CRYBG3: variants seen among roughly 807,000 people sequenced by gnomAD.
CRYBG3 encodes the protein very large A-kinase anchor protein.
In CRYBG3, 127 loss-of-function variants were observed where a neutral mutation model predicts 244.2. The ratio of observed to expected loss-of-function variants is 0.52; its 90% CI spans 0.45 to 0.60. CRYBG3 has a LOEUF of 0.60. Ranked by LOEUF, CRYBG3 falls within the 20% of genes least tolerant of loss-of-function variation. The pLI, the probability that CRYBG3 is intolerant of heterozygous loss-of-function variation, is 0.00. For synonymous variants in CRYBG3, 1,132 were observed against 1,195.8 expected, an observed-to-expected ratio of 0.95 and a Z score of 1.10; for missense variants, 3,325 against 3,442.5, an observed-to-expected ratio of 0.97 and a Z score of 0.85.
intron 2 of CRYBG3, among the ~76,000 whole-genome samples, chr3:97,860,801 T>C (rs1239735561): frequency 6.6e-6 from 1 of 152,152 alleles, no homozygotes; most frequent in Admixed American, 6.6e-5. Context: ...TTTTCATTGT[T>C]TTTGACTTGT....
At chr3:97,852,245 T>C (rs1214955436) in intron 2 of CRYBG3, among the ~76,000 whole-genome samples, 1 of 152,056 alleles carries the variant, frequency 6.6e-6, no homozygotes, top group African/African-American at 2.4e-5. Flanking sequence ...AAGAAGTGAA[T>C]GTGAAAGAGA....
At chr3:97,865,445 G>T (rs2039215880) in intron 3 of CRYBG3, among the ~76,000 whole-genome samples, 2 of 152,084 alleles carry the variant, frequency 1.3e-5, no homozygotes, top group Admixed American at 6.6e-5. Flanking sequence ...ATAGTTTCCA[G>T]GTGTCTTCAT....
intron 1 of CRYBG3, among the ~76,000 whole-genome samples, chr3:97,831,035 A>G (rs2038647608): frequency 6.6e-6 from 1 of 152,196 alleles, no homozygotes; most frequent in Non-Finnish European, 1.5e-5. Flanking sequence ...CAAGAGGCAG[A>G]TTAATAGGAG....
chr3:97,933,454 T>C lies in CRYBG3; in HGVS notation c.8242-240T>C, dbSNP rs1328899959. On this transcript the variant is annotated intron_variant, in intron 17 of 21. Transcript: ENST00000389622. ...CATGGGTCTCTTTATTATGGCTGTT[T>C]TTATTATGAGATTGATTGCTTTTCT... is the stretch of plus-strand genomic sequence containing the variant. The C allele has an allele frequency of 2.7e-5, 15 of 561,346 alleles. No homozygotes were observed. In the Admixed American group the frequency reaches 3.7e-4, roughly 14 times the overall value. The allele number at this position is 561,346 out of a possible 1,614,324, so 34.8% of individuals were successfully genotyped here. A position where few individuals can be genotyped will look rare whatever the true frequency, so the allele number is the denominator to read the frequency against.
At chr3:97,847,063 T>C (rs1286914306) in intron 2 of CRYBG3, among the ~76,000 whole-genome samples, 1 of 152,140 alleles carries the variant, frequency 6.6e-6, no homozygotes, top group Non-Finnish European at 1.5e-5. Flanking sequence ...AGGGGAAAGC[T>C]GCCACACACT....
chr3:97,935,731 C>T (rs1208620131), intron 18 of CRYBG3, among the ~76,000 whole-genome samples: 1 of 152,068 alleles, frequency 6.6e-6, no homozygotes, highest in Non-Finnish European at 1.5e-5. Flanking sequence ...CCCTCTGTAG[C>T]TTGTGTCCTA....
At chr3:97,897,861 G>A (rs1327732128) in intron 12 of CRYBG3, among the ~76,000 whole-genome samples, 2 of 152,102 alleles carry the variant, frequency 1.3e-5, no homozygotes, top group African/African-American at 4.8e-5. Flanking sequence ...TAAAATAGAT[G>A]TTTAATCTTG....
At chr3:97,916,720 C>T (rs980381621) in intron 17 of CRYBG3, among the ~76,000 whole-genome samples, 1 of 152,086 alleles carries the variant, frequency 6.6e-6, no homozygotes, top group Non-Finnish European at 1.5e-5. Context: ...TCCTATTTCA[C>T]AAGGCATTCC....
chr3:97,927,031 A>G (rs1398021458), intron 17 of CRYBG3, among the ~76,000 whole-genome samples: 4 of 151,996 alleles, frequency 2.6e-5, no homozygotes, highest in African/African-American at 4.8e-5. Context: ...CTACCGAAGT[A>G]CCAACATTTT....
chr3:97,908,693 C>G (rs1319020115), intron 15 of CRYBG3, among the ~76,000 whole-genome samples: 3 of 152,158 alleles, frequency 2.0e-5, no homozygotes, highest in Non-Finnish European at 2.9e-5. Context: ...GGTCTTGACT[C>G]TTTATCCAAT....
At chr3:97,896,665 G>A (rs1445334587) in intron 12 of CRYBG3, among the ~76,000 whole-genome samples, 1 of 152,200 alleles carries the variant, frequency 6.6e-6, no homozygotes, top group Non-Finnish European at 1.5e-5. Flanking sequence ...TCAGCTGGGG[G>A]TGATTTTACC....
chr3:97,915,637 GT>G lies in CRYBG3; in HGVS notation c.8145del (p.Phe2715LeufsTer7). The G allele has an allele frequency of 6.2e-7, 1 of 1,611,678 alleles. No homozygotes were observed. Among genetic ancestry groups the G allele is most frequent in the East Asian group, 2.2e-5 (1 of 44,848 alleles). On this transcript the variant is annotated frameshift_variant, in exon 17 of 22. Coordinates refer to ENST00000389622, the MANE Select transcript of CRYBG3 (RefSeq NM_153605.4). LOFTEE classifies it high-confidence loss of function. ...GGCTCCTCTATTACCAAGAAGACATGTTTGTTAATCACTGTGTGTTAGAAGA... is the reference window on the plus strand; with the variant it reads ...GGCTCCTCTATTACCAAGAAGACATGTTGTTAATCACTGTGTGTTAGAAGA... ...CWLLYYQEDM[F>X]VNHCVLEEGL...
At chr3:97,930,335 G>A (rs1227202559) in intron 17 of CRYBG3, among the ~76,000 whole-genome samples, 1 of 152,022 alleles carries the variant, frequency 6.6e-6, no homozygotes, top group Non-Finnish European at 1.5e-5. Flanking sequence ...AAAATCTTGA[G>A]AGTGAAGATG....
At chr3:97,899,387 C>A in intron 14 of CRYBG3, 124 bp downstream of exon 14, 2 of 985,912 alleles carry the variant, frequency 2.0e-6, no homozygotes, top group Non-Finnish European at 1.5e-6. Context: ...AAAGAAAATG[C>A]AATATCACTT....
At chr3:97,882,687 A>G (rs143221515) in intron 7 of CRYBG3, among the ~76,000 whole-genome samples, 1 of 152,350 alleles carries the variant, frequency 6.6e-6, no homozygotes, top group Non-Finnish European at 1.5e-5. Flanking sequence ...TTTCATTTAT[A>G]TACATAAAAA....
chr3:97,875,354 C>A lies in CRYBG3; in HGVS notation c.4160C>A (p.Ala1387Asp). 7.0e-7 allele frequency: 1 copy of A among 1,426,582 alleles called. No individual in the cohort carries two copies. Among genetic ancestry groups the A allele is most frequent in the Non-Finnish European group, 9.1e-7 (1 of 1,098,870 alleles). The allele number at this position is 1,426,582 out of a possible 1,614,324, so 88.4% of individuals were successfully genotyped here. A position where few individuals can be genotyped will look rare whatever the true frequency, so the allele number is the denominator to read the frequency against. Residue 1387 changes from alanine (A) to aspartate (D), a missense_variant, in exon 4 of 22, where the codon GCT becomes GAT. Physicochemically the swap from Ala to Asp is moderately radical, Grantham distance 126. This residue lies in a region of CRYBG3 where 635 missense variants were observed against 771.7 expected (regional missense o/e 0.82). Coordinates refer to ENST00000389622, the MANE Select transcript of CRYBG3 (RefSeq NM_153605.4). ...LNEFFSLSNL[A>D]SGTESIKGGE... ...GAATTCTTCTCCCTAAGTAACTTAG[C>A]TAGTGGCACAGAGTCAATTAAGGGA...
At position 97,822,235 on chromosome 3, in the gene CRYBG3, C is replaced by G. The variant is rs1273198500; in HGVS notation, c.29C>G (p.Ala10Gly). The change falls in exon 1 of 22, where the codon GCC (alanine) becomes GGC (glycine). Residue 10 changes from alanine to glycine, a missense_variant. By Grantham distance (60) the Ala-to-Gly change is moderately conservative. Transcript: ENST00000389622. MSSGRRRGS[A>G]PWHSFSRFFA... ...TCCAGCGGCCGCAGAAGGGGCAGCGCCCCCTGGCACAGCTTCTCCCGGTTC... is the reference window on the plus strand; with the variant it reads ...TCCAGCGGCCGCAGAAGGGGCAGCGGCCCCTGGCACAGCTTCTCCCGGTTC... The G allele has an allele frequency of 7.9e-6, 12 of 1,528,206 alleles. No individual in the cohort carries two copies. The South Asian group carries it at 1.3e-4, about 17-fold the overall frequency. The allele number at this position is 1,528,206 out of a possible 1,614,324, so 94.7% of individuals were successfully genotyped here.
intron 3 of CRYBG3, among the ~76,000 whole-genome samples, chr3:97,870,465 A>G (rs920176150): frequency 6.6e-5 from 10 of 152,054 alleles, no homozygotes; most frequent in African/African-American, 2.4e-4. Context: ...AAAGGACACG[A>G]TTTTCTTCTT....
rs774117006 is a variant in CRYBG3, at chr3:97,877,783, T to C, written c.6589T>C (p.Tyr2197His). Reference protein sequence around the residue: ...QESVGISKNSYVMPNEPTTSN... With the variant: ...QESVGISKNSHVMPNEPTTSN... ...GAGCGTTGGAATTTCTAAGAATTCA[T>C]ATGTGATGCCAAATGAACCTACTAC... Residue 2197 changes from tyrosine (Y) to histidine (H), a missense_variant, in exon 4 of 22, where the codon TAT (tyrosine) becomes CAT (histidine). By Grantham distance (83) the Tyr-to-His change is moderately conservative. Around this residue, in one of 4 missense-constraint regions of CRYBG3, gnomAD observed 450 missense variants for 424.1 expected, o/e 1.06. Transcript: ENST00000389622. 4.3e-6 allele frequency: 7 copies of C among 1,614,134 alleles called. No individual in the cohort carries two copies. Among genetic ancestry groups the C allele is most frequent in the East Asian group, 2.2e-5 (1 of 44,876 alleles).
Sources: allele counts gnomAD v4.1 joint callset (sites outside exome capture counted in the v4.1 genomes callset), GRCh38; gene constraint gnomAD v4.1.1; regional missense constraint gnomAD v4.1.1; transcripts MANE v1.5; gene names NCBI Gene and HGNC (gene_info 2026-07-23, HGNC 2026-07-21).